The following CCDC30 variants were observed in gnomAD, a reference collection of about 807,000 sequenced individuals.
CCDC30 encodes the protein coiled-coil domain-containing protein 30.
A neutral mutation model predicts 100.2 loss-of-function variants in CCDC30; 70 were observed. The observed-to-expected ratio is 0.70, with a 90% CI of 0.58 to 0.85. The LOEUF (loss-of-function observed/expected upper bound fraction) is 0.85. CCDC30 is among the 40% of genes least tolerant of loss of function. CCDC30 has a pLI of 0.00. For synonymous variants in CCDC30, 233 were observed against 269.5 expected (o/e 0.86, Z 1.33); for missense variants, 652 against 771.2 (o/e 0.85, Z 1.83).
intron 7 of CCDC30, among the ~76,000 whole-genome samples, chr1:42,571,665 T>C (rs556912291): frequency 6.6e-6 from 1 of 152,246 alleles, no homozygotes; most frequent in African/African-American, 2.4e-5. Context: ...CCACCAATGA[T>C]ATCAAGGCAT....
chr1:42,495,531 CA>C (rs113033883), intron 4 of CCDC30, among the ~76,000 whole-genome samples: 39,039 of 141,546 alleles, frequency 0.28, 5,691 homozygotes, highest in South Asian at 0.44. Context: ...AATAAAAAAG[CA>C]AAAAAAAAAA....
At chr1:42,470,252 A>G (rs1315345084) in intron 1 of CCDC30, among the ~76,000 whole-genome samples, 1 of 151,562 alleles carries the variant, frequency 6.6e-6, no homozygotes, top group African/African-American at 2.4e-5. Flanking sequence ...GAATTCTTTT[A>G]GTTTAAGAGA....
chr1:42,456,531 C>T, the CCDC30 span: 18 of 1,441,266 alleles, frequency 1.2e-5, no homozygotes, highest in Non-Finnish European at 1.6e-5. Flanking sequence ...GCGGCGGCCG[C>T]GAAACGTGCG....
intron 13 of CCDC30, among the ~76,000 whole-genome samples, chr1:42,644,388 GCCCA>G (rs1487937847): frequency 6.6e-6 from 1 of 152,094 alleles, no homozygotes; most frequent in Non-Finnish European, 1.5e-5. Context: ...ATTAGATTGT[GCCCA>G]CCAGATTAAG....
chr1:42,487,681 AC>A (rs966121393), intron 3 of CCDC30, among the ~76,000 whole-genome samples: 7 of 152,008 alleles, frequency 4.6e-5, no homozygotes, highest in Admixed American at 4.6e-4. Context: ...GATGGAGGAG[AC>A]CAGGTAACAA....
At chr1:42,655,841 CTT>C (rs1395941417), downstream of CCDC30, among the ~76,000 whole-genome samples, 3 of 129,958 alleles carry the variant, frequency 2.3e-5, no homozygotes, top group Non-Finnish European at 3.3e-5. Flanking sequence ...TAAACGTTCT[CTT>C]GTTTGGCATT....
intron 10 of CCDC30, among the ~76,000 whole-genome samples, chr1:42,608,953 A>G (rs1226585218): frequency 2.0e-5 from 3 of 152,216 alleles, no homozygotes. Context: ...ATTTTACAAT[A>G]TGGACATTTC....
At chr1:42,572,876 C>T (rs1214408236) in intron 7 of CCDC30, among the ~76,000 whole-genome samples, 1 of 152,196 alleles carries the variant, frequency 6.6e-6, no homozygotes. Context: ...ACCTCAGCCT[C>T]CCAAAGTGTG....
intron 10 of CCDC30, among the ~76,000 whole-genome samples, chr1:42,603,981 A>C (rs879580962): frequency 1.1e-4 from 17 of 152,166 alleles, no homozygotes; most frequent in Non-Finnish European, 2.2e-4. Flanking sequence ...GGACTTTAGA[A>C]GGCTGAGGTG....
At chr1:42,580,843 A>T (rs1645949091) in intron 8 of CCDC30, 1 of 456,104 alleles carries the variant, frequency 2.2e-6, no homozygotes, top group African/African-American at 2.0e-5. Flanking sequence ...GTTATTCATG[A>T]ATCTAGCCAC....
intron 6 of CCDC30, among the ~76,000 whole-genome samples, chr1:42,520,634 CTTTTTTT>C (rs1181298704): frequency 1.7e-4 from 11 of 64,772 alleles, no homozygotes; most frequent in East Asian, 5.4e-4. Context: ...CCGGCCTCAT[CTTTTTTT>C]TTTTTTTTTT....
chr1:42,606,340 C>T (rs1014729935), intron 10 of CCDC30, among the ~76,000 whole-genome samples: 3 of 152,144 alleles, frequency 2.0e-5, no homozygotes, highest in African/African-American at 4.8e-5. Context: ...TGCAGTGGTG[C>T]GCTCTCAGCT....
chr1:42,546,423 T>TTCTAATAAAAGGATA (rs1645143236), intron 6 of CCDC30, among the ~76,000 whole-genome samples: 1 of 90,532 alleles, frequency 1.1e-5, no homozygotes, highest in South Asian at 3.3e-4. Flanking sequence ...TATATATATA[T>TTCTAATAAAAGGATA]ATATATATAT....
At chr1:42,646,189 C>G in exon 15 of CCDC30, 1 of 1,598,590 alleles carries the variant, frequency 6.3e-7, no homozygotes, top group Non-Finnish European at 8.5e-7. Flanking sequence ...GCTGGCTTCT[C>G]TCCCTCCAAC....
chr1:42,580,621 G>T (rs1555654), intron 8 of CCDC30, among the ~76,000 whole-genome samples: 91,303 of 151,836 alleles, frequency 0.6, 27,919 homozygotes, highest in East Asian at 0.82. Context: ...AAATGTGGGG[G>T]TTTTTTGCTG....
At chr1:42,530,423 T>G (rs1350402047) in intron 6 of CCDC30, among the ~76,000 whole-genome samples, 1 of 152,184 alleles carries the variant, frequency 6.6e-6, no homozygotes, top group Non-Finnish European at 1.5e-5. Context: ...TACAGTTGGC[T>G]CTTCATATCT....
chr1:42,573,850 T>A (rs1645782518), intron 7 of CCDC30, among the ~76,000 whole-genome samples: 1 of 152,120 alleles, frequency 6.6e-6, no homozygotes, highest in Non-Finnish European at 1.5e-5. Flanking sequence ...TTTCATAAAT[T>A]TTTTTCTGAA....
intron 3 of CCDC30, among the ~76,000 whole-genome samples, chr1:42,484,080 T>TC (rs1433740605): frequency 8.6e-6 from 1 of 116,176 alleles, no homozygotes; most frequent in African/African-American, 2.8e-5. Flanking sequence ...TTAAAAATGT[T>TC]AAATGTATAA....
At position 42,641,949 on chromosome 1, in the gene CCDC30, G is replaced by A. The variant is rs746720766; in HGVS notation, c.1420-524G>A. On this transcript the variant is annotated intron_variant, in intron 12 of 16. Transcript: ENST00000668663. ...AAAAAAAAATACATGACATGGGCTG[G>A]GCATGGTGGCTCACGCCTGTAATCC... 2.0e-4 allele frequency among the ~76,000 whole-genome samples: 31 copies of A among 152,302 alleles called. 2 individuals carry two copies. The highest frequency in any genetic ancestry group is 1.2e-3 in the Admixed American group (18 of 15,294).
Sources: gnomAD v4.1 joint callset for allele counts (sites outside exome capture counted in the v4.1 genomes callset) on GRCh38, gnomAD v4.1.1 for gene constraint, MANE v1.5 for transcripts, NCBI Gene and HGNC (gene_info 2026-07-23, HGNC 2026-07-21) for gene names.